Variants in TUSC3 observed in about 807,000 individuals in gnomAD.
TUSC3 encodes dolichyl-diphosphooligosaccharide--protein glycosyltransferase subunit TUSC3.
In TUSC3, 45 loss-of-function variants were observed where a neutral mutation model predicts 44.8. The observed-to-expected ratio is 1.00, with a 90% CI of 0.79 to 1.29. TUSC3 has a LOEUF of 1.29. Ranked by LOEUF, TUSC3 falls within the 50% of genes most tolerant of loss-of-function variation. TUSC3 has a pLI of 0.00. For missense variants in TUSC3, 519 were observed against 437.9 expected, an observed-to-expected ratio of 1.19 and a Z score of -1.65; for synonymous variants, 212 against 152.9, an observed-to-expected ratio of 1.39 and a Z score of -2.85.
rs1222731123 is a variant in TUSC3 at position 15,726,498 on chromosome 8, C to T, written c.799-4168C>T. Among the ~76,000 whole-genome samples, 3 of 151,970 alleles carry T rather than the reference C, an allele frequency of 2.0e-5. No homozygotes were observed. In the East Asian group the frequency reaches 5.8e-4, roughly 29 times the overall value. On this transcript the variant is annotated intron_variant, in intron 6 of 10. Transcript: ENST00000503731. ...AATCACTTTTTATTTTATGTTGGTTCATATGCTCTATGAAATATTCAATGG... is the reference window on the plus strand; with the variant it reads ...AATCACTTTTTATTTTATGTTGGTTTATATGCTCTATGAAATATTCAATGG...
chr8:15,836,278 C>G, the TUSC3 span, among the ~76,000 whole-genome samples: 1 of 151,024 alleles, frequency 6.6e-6, no homozygotes, highest in South Asian at 2.1e-4. Context: ...GAGTTCAAGA[C>G]AAGCCTGACC....
At chr8:15,687,368 GTTT>G (rs1488082209) in intron 6 of TUSC3, among the ~76,000 whole-genome samples, 1 of 152,136 alleles carries the variant, frequency 6.6e-6, no homozygotes, top group East Asian at 1.9e-4. Context: ...GGCTGCAATT[GTTT>G]TAGAATTTTG....
chr8:15,757,154 A>T (rs958677761), intron 9 of TUSC3, among the ~76,000 whole-genome samples: 17 of 152,268 alleles, frequency 1.1e-4, no homozygotes, highest in African/African-American at 3.6e-4. Context: ...ACTCGTTCTT[A>T]AAAAAGAGGT....
intron 9 of TUSC3, among the ~76,000 whole-genome samples, 186 bp from the exon 10 acceptor site, chr8:15,757,605 G>C (rs1274500796): frequency 6.6e-6 from 1 of 152,074 alleles, no homozygotes; most frequent in East Asian, 1.9e-4. Flanking sequence ...GACTTATAAA[G>C]GTCCAAGGAT....
chr8:15,657,013 G>A (rs1030533139), intron 3 of TUSC3, among the ~76,000 whole-genome samples: 4 of 152,120 alleles, frequency 2.6e-5, no homozygotes, highest in Non-Finnish European at 5.9e-5. Context: ...GACACCCCAA[G>A]TGGCTCTGAA....
chr8:15,667,828 G>A (rs952140152), intron 5 of TUSC3, among the ~76,000 whole-genome samples: 2 of 151,732 alleles, frequency 1.3e-5, no homozygotes, highest in Non-Finnish European at 1.5e-5. Context: ...AAAGTTCGTT[G>A]TATAGAATAG....
chr8:15,583,192 TTAAA>T (rs1024094458), intron 1 of TUSC3, among the ~76,000 whole-genome samples: 5 of 152,214 alleles, frequency 3.3e-5, no homozygotes, highest in African/African-American at 1.2e-4. Flanking sequence ...CAAAATGAAA[TTAAA>T]TAGTATACTT....
rs59932890 is a variant in TUSC3 at position 15,706,207 on chromosome 8, A to G, written c.799-24459A>G. Reference sequence around the variant, plus strand: ...AATAAATTACTATTATTGCATATATATGGTATATTTTGGTATATATTTATG... The same window carrying G: ...AATAAATTACTATTATTGCATATATGTGGTATATTTTGGTATATATTTATG... On this transcript the variant is annotated intron_variant, in intron 6 of 10. Coordinates refer to ENST00000503731, the MANE Select transcript of TUSC3 (RefSeq NM_006765.4). Among the ~76,000 whole-genome samples, 506 of 152,106 alleles carry G rather than the reference A, an allele frequency of 3.3e-3. 9 individuals carry two copies. In the East Asian group the frequency reaches 0.035, roughly 10 times the overall value.
chr8:15,611,155 G>A (rs183619015), intron 1 of TUSC3, among the ~76,000 whole-genome samples: 2 of 152,232 alleles, frequency 1.3e-5, no homozygotes, highest in South Asian at 2.1e-4. Context: ...ATAGTGTTCT[G>A]TATCAAATAT....
At chr8:15,442,901 G>C (rs1800039234) in intron 1 of TUSC3, among the ~76,000 whole-genome samples, 1 of 152,052 alleles carries the variant, frequency 6.6e-6, no homozygotes. Flanking sequence ...ATCTGATCAA[G>C]TTTCTCTCCC....
intron 1 of TUSC3, among the ~76,000 whole-genome samples, chr8:15,572,603 T>G (rs1360707991): frequency 6.6e-6 from 1 of 152,162 alleles, no homozygotes; most frequent in African/African-American, 2.4e-5. Flanking sequence ...AGGTGTAGCT[T>G]TTGGCCTATC....
At position 15,727,779 on chromosome 8, in the gene TUSC3, G is replaced by C. The variant is rs183003015; in HGVS notation, c.799-2887G>C. On this transcript the variant is annotated intron_variant, in intron 6 of 10. Coordinates refer to ENST00000503731, the MANE Select transcript of TUSC3 (RefSeq NM_006765.4). The stretch of plus-strand genomic sequence containing the variant: ...AACAAGATACAAAGTTTGTTGAAGT[G>C]GAAACTATGAAATGATTTGTTTGAT... Among the ~76,000 whole-genome samples, 524 of 152,242 alleles carry C rather than the reference G, an allele frequency of 3.4e-3. 4 individuals are homozygous for C. The highest frequency in any genetic ancestry group is 0.012 in the African/African-American group (503 of 41,544).
the TUSC3 span, among the ~76,000 whole-genome samples, chr8:15,851,293 T>A: frequency 6.6e-6 from 1 of 152,122 alleles, no homozygotes; most frequent in African/African-American, 2.4e-5. Context: ...GATACATCAA[T>A]GAAAAAAGCA....
At chr8:15,649,682 T>G (rs1013388046) in intron 2 of TUSC3, among the ~76,000 whole-genome samples, 2 of 152,180 alleles carry the variant, frequency 1.3e-5, no homozygotes, top group African/African-American at 4.8e-5. Context: ...TCTAATGTTT[T>G]TCTAGCTTCT....
intron 2 of TUSC3, among the ~76,000 whole-genome samples, chr8:15,524,394 A>G (rs1801345271): frequency 6.6e-6 from 1 of 152,182 alleles, no homozygotes; most frequent in African/African-American, 2.4e-5. Context: ...AATAATTCCT[A>G]AATTCATTTA....
Position 15,423,975 on chromosome 8 carries a change from T to TTTTTG in TUSC3, n.91+6674_91+6675insGTTTT, listed in dbSNP as rs1563247174. ...ATTCATACTGTTTTGCTTTGTTTTT[T>TTTTTG]TTTTTTTTTTTTTTTTTTTTTTTTT... On this transcript the variant is annotated intron_variant and non_coding_transcript_variant, in intron 1 of 5. Coordinates refer to the TUSC3 transcript ENST00000503191. 1.0e-4 allele frequency among the ~76,000 whole-genome samples: 2 copies of TTTTTG among 19,990 alleles called. 1 individual carries two copies. Among genetic ancestry groups the TTTTTG allele is most frequent in the Non-Finnish European group, 2.0e-4 (2 of 9,992 alleles). 13.1% of individuals were successfully genotyped at this position (19,990 alleles called of 152,430 possible).
At chr8:15,825,790 G>A in the TUSC3 span, among the ~76,000 whole-genome samples, 1 of 151,894 alleles carries the variant, frequency 6.6e-6, no homozygotes, top group African/African-American at 2.4e-5. Context: ...TGTTGTTAAG[G>A]CCTTGGCTAT....
chr8:15,793,513 G>A, the TUSC3 span, among the ~76,000 whole-genome samples: 1 of 152,104 alleles, frequency 6.6e-6, no homozygotes, highest in South Asian at 2.1e-4. Context: ...TTGCTTGTGT[G>A]ATGTTCCCTA....
At chr8:15,661,775 T>G (rs1182336341) in intron 4 of TUSC3, among the ~76,000 whole-genome samples, 1 of 147,664 alleles carries the variant, frequency 6.8e-6, no homozygotes, top group African/African-American at 2.5e-5. Flanking sequence ...AAATAATTTT[T>G]CTATAAGATA....
Sources: gnomAD v4.1 joint callset for allele counts (sites outside exome capture counted in the v4.1 genomes callset) on GRCh38, gnomAD v4.1.1 for gene constraint, MANE v1.5 for transcripts, NCBI Gene and HGNC (gene_info 2026-07-23, HGNC 2026-07-21) for gene names.